The following EEF2 variants were observed in gnomAD, a reference collection of about 807,000 sequenced individuals.
EEF2 encodes the protein elongation factor 2.
A neutral mutation model predicts 85.3 loss-of-function variants in EEF2; 21 were observed. That is an observed-to-expected ratio of 0.25 (90% CI 0.17 to 0.35). The LOEUF (loss-of-function observed/expected upper bound fraction) is 0.35, where lower values mean the gene tolerates loss of function less well. Ranked by LOEUF, EEF2 falls within the 10% of genes least tolerant of loss-of-function variation. The pLI is 1.00. For missense variants in EEF2, 825 were observed against 1,225.3 expected, an observed-to-expected ratio of 0.67 and a Z score of 4.88; for synonymous variants, 723 against 508.8, an observed-to-expected ratio of 1.42 and a Z score of -5.67.
In EEF2 at chr19:3,977,775, G is replaced by A. The variant is rs559168582; in HGVS notation, c.2067+44C>T. The A allele has an allele frequency of 5.9e-6, 9 of 1,526,892 alleles. No homozygotes were observed. The highest frequency in any genetic ancestry group is 4.1e-5 in the African/African-American group (3 of 72,962). The allele number at this position is 1,526,892 out of a possible 1,614,324, so 94.6% of individuals were successfully genotyped here. A position where few individuals can be genotyped will look rare whatever the true frequency, so the allele number is the denominator to read the frequency against. On this transcript the variant is annotated intron_variant, in intron 12 of 14. Transcript: ENST00000309311. This position sits in a 1 kb window ranked among gnomAD's most constrained non-coding sequence, Gnocchi z 5.4. ...GGCAGGACCATGAGGTCCCTCTAGAGCCTGGAAACGGGTGTGGTCTGCACA... is the reference window on the plus strand; with the variant it reads ...GGCAGGACCATGAGGTCCCTCTAGAACCTGGAAACGGGTGTGGTCTGCACA...
In EEF2 at chr19:3,976,727, A is replaced by T; in HGVS notation, c.2404T>A (p.Ser802Thr). The T allele has an allele frequency of 6.3e-7, 1 of 1,594,238 alleles. No individual in the cohort carries two copies. Among genetic ancestry groups the T allele is most frequent in the Non-Finnish European group, 8.5e-7 (1 of 1,173,962 alleles). ...GGGAACGCCTGGCCGCCCGTGTTGG[A>T]CCTCAGGTCAGCGGTGAAGCCTGCA... is the stretch of plus-strand genomic sequence containing the variant. ...ESFGFTADLRSNTGGQAFPQC... is the reference protein window; with the variant it reads ...ESFGFTADLRTNTGGQAFPQC... Residue 802 changes from serine to threonine, a missense_variant, in exon 15 of 15, where the codon TCC becomes ACC. By Grantham distance (58) the Ser-to-Thr change is moderately conservative. Coordinates refer to ENST00000309311, the MANE Select transcript of EEF2 (RefSeq NM_001961.4).
intron 5 of EEF2, 74 bp from the exon 6 acceptor site, chr19:3,982,126 G>A (rs1374659748): frequency 8.1e-6 from 13 of 1,597,028 alleles, no homozygotes; most frequent in South Asian, 2.2e-5. Context: ...TCGCCAAGGG[G>A]ACATGCTTGG....
rs552521919 is a variant in EEF2, at chr19:3,982,192, G to A, written c.791+54C>T. 9.0e-5 allele frequency: 145 copies of A among 1,606,062 alleles called. 1 individual carries two copies. The East Asian group carries it at 3.0e-3, about 33-fold the overall frequency. ...GAATAGCACACCACGCCCCTACGTC[G>A]CTGCCACTACCCCCAGGTGTCAGGA... On this transcript the variant is annotated intron_variant, in intron 5 of 14. Coordinates refer to ENST00000309311, the MANE Select transcript of EEF2 (RefSeq NM_001961.4).
intron 10 of EEF2, 43 bp from the exon 11 acceptor site, chr19:3,979,479 G>T (rs879586310): frequency 2.6e-6 from 4 of 1,542,588 alleles, no homozygotes; most frequent in African/African-American, 2.7e-5. Flanking sequence ...AGGCGGCTCG[G>T]AACAGGCGGG....
At chr19:3,982,162 G>C (rs74465123) in intron 5 of EEF2, 84 bp downstream of exon 5, 1 of 1,597,014 alleles carries the variant, frequency 6.3e-7, no homozygotes, top group Non-Finnish European at 8.6e-7. Flanking sequence ...CTTGAGCCAC[G>C]CTGTGAATAG....
chr19:3,976,489 T>A lies in EEF2; in HGVS notation c.*65A>T. On this transcript the variant is annotated 3_prime_UTR_variant, in exon 15 of 15. Coordinates refer to ENST00000309311, the MANE Select transcript of EEF2 (RefSeq NM_001961.4). ...ACAGTCTCCAGGTGTCGTCTGAGAA[T>A]TCGAGGACGTGGTGCTGTGGGTGCT... The A allele has an allele frequency of 2.0e-6, 3 of 1,535,342 alleles. No individual in the cohort carries two copies. Among genetic ancestry groups the A allele is most frequent in the Non-Finnish European group, 1.8e-6 (2 of 1,138,794 alleles).
intron 1 of EEF2, 185 bp downstream of exon 1, chr19:3,985,193 G>A (rs998973408): frequency 2.7e-5 from 16 of 594,666 alleles, no homozygotes; most frequent in African/African-American, 1.4e-4. Context: ...AACGGAGAAA[G>A]GGCTCGGTGA....
intron 2 of EEF2, 185 bp downstream of exon 2, chr19:3,983,950 AG>A: frequency 1.5e-6 from 1 of 648,710 alleles, no homozygotes; most frequent in Non-Finnish European, 2.6e-6. Flanking sequence ...TCCAGCTCGC[AG>A]TACCCCGAAT....
rs997431543 is a variant in EEF2, at chr19:3,978,036, A to G, written c.1850T>C (p.Ile617Thr). Residue 617 changes from isoleucine (I) to threonine (T), a missense_variant, in exon 12 of 15, where the codon ATC (isoleucine) becomes ACC (threonine). Transcript: ENST00000309311. ...ACGGGCGGACACCTCGCCTTTATCG[A>G]TGTCCTCGGCCAGGCCGTCGGGGAA... ...RPFPDGLAED[I>T]DKGEVSARQE... is the part of the protein sequence containing the mutation. The G allele has an allele frequency of 1.6e-5, 25 of 1,602,332 alleles. No homozygotes were observed. The highest frequency in any genetic ancestry group is 2.1e-5 in the Non-Finnish European group (25 of 1,172,378).
At position 3,984,323 on chromosome 19, in the gene EEF2, C is replaced by T. The variant is rs1275840247; in HGVS notation, c.31G>A (p.Ala11Thr). The change falls in exon 2 of 15, where the codon GCC (alanine) becomes ACC (threonine). Residue 11 changes from alanine to threonine, a missense_variant. Coordinates refer to ENST00000309311, the MANE Select transcript of EEF2 (RefSeq NM_001961.4). Reference protein sequence around the residue: MVNFTVDQIRAIMDKKANIRN... With the variant: MVNFTVDQIRTIMDKKANIRN... ...ATGTTGGCCTTCTTGTCCATGATGG[C>T]GCGGATCTGGTCTACCGTGAAGTTC... 9 of 1,614,044 alleles carry T rather than the reference C, an allele frequency of 5.6e-6. No individual in the cohort carries two copies. The East Asian group carries it at 8.9e-5, about 16-fold the overall frequency.
At chr19:3,978,803 CAAAAAAAAAA>C (rs58074233) in intron 11 of EEF2, among the ~76,000 whole-genome samples, 208 of 36,830 alleles carry the variant, frequency 5.6e-3, no homozygotes, top group African/African-American at 0.013. Flanking sequence ...ACTCTTGTCT[CAAAAAAAAAA>C]AAAAAAAAAA....
chr19:3,977,616 G>T lies in EEF2; in HGVS notation c.2068-6C>A. ...TTCTCCTCACACAGTGCGCCCTGGG[G>T]GAGGGGGAGAGCCACCGTCAAGGGC... is the stretch of plus-strand genomic sequence containing the variant. On this transcript the variant is annotated splice_region_variant and splice_polypyrimidine_tract_variant and intron_variant, in intron 12 of 14. Coordinates refer to ENST00000309311, the MANE Select transcript of EEF2 (RefSeq NM_001961.4). This position sits in a 1 kb window ranked among gnomAD's most constrained non-coding sequence, Gnocchi z 5.4. 2 of 1,507,796 alleles carry T rather than the reference G, an allele frequency of 1.3e-6. No homozygotes were observed. Among genetic ancestry groups the T allele is most frequent in the African/African-American group, 1.4e-5 (1 of 72,548 alleles). The allele number at this position is 1,507,796 out of a possible 1,614,324, so 93.4% of individuals were successfully genotyped here. A position where few individuals can be genotyped will look rare whatever the true frequency, so the allele number is the denominator to read the frequency against.
chr19:3,985,412 G>A lies in EEF2; in HGVS notation c.-32C>T, dbSNP rs2039808161. On this transcript the variant is annotated 5_prime_UTR_variant, in exon 1 of 15. Transcript: ENST00000309311. ...GGATGGCGGTGGATTCTCCCAGGTA[G>A]AACCGAAAGAAGCGAGTCGCGCCGA... The A allele has an allele frequency of 2.7e-6, 4 of 1,488,706 alleles. No individual in the cohort carries two copies. The highest frequency in any genetic ancestry group is 2.7e-5 in the East Asian group (1 of 36,836). 92.2% of individuals were successfully genotyped at this position (1,488,706 alleles called of 1,614,324 possible).
intron 4 of EEF2, 173 bp downstream of exon 4, chr19:3,982,634 C>G: frequency 1.8e-6 from 2 of 1,083,178 alleles, no homozygotes; most frequent in Admixed American, 1.9e-5. Flanking sequence ...TTCCAGCTGC[C>G]CAAAGATCAA....
Position 3,979,839 on chromosome 19 carries a change from T to A in EEF2, c.1574A>T (p.Lys525Met). Residue 525 changes from lysine (K) to methionine (M), a missense_variant, in exon 10 of 15, where the codon AAG (lysine) becomes ATG (methionine). Physicochemically the swap from Lys to Met is moderately conservative, Grantham distance 95 (BLOSUM62 -1). Transcript: ENST00000309311. ...CATGGGGTCGGACTTGGCCAGCCGC[T>A]TCAGCCCCTCCACCAGCTTGGGCAG... ...ADLPKLVEGLKRLAKSDPMVQ... is the reference protein window; with the variant it reads ...ADLPKLVEGLMRLAKSDPMVQ... 6.2e-7 allele frequency: 1 copy of A among 1,613,668 alleles called. No individual in the cohort carries two copies. The highest frequency in any genetic ancestry group is 8.5e-7 in the Non-Finnish European group (1 of 1,179,988).
Position 3,983,239 on chromosome 19 carries a change from G to C in EEF2, c.271C>G (p.Gln91Glu). ...AGGAAGCCGGCACCGTCCTTGCTCTGCTTGATGAAGTTCAAGTCATTCTCC... is the reference window on the plus strand; with the variant it reads ...AGGAAGCCGGCACCGTCCTTGCTCTCCTTGATGAAGTTCAAGTCATTCTCC... ...LSENDLNFIK[Q>E]SKDGAGFLIN... The change falls in exon 3 of 15, where the codon CAG becomes GAG. Residue 91 changes from glutamine (Q) to glutamate (E), a missense_variant. Gln to Glu is a conservative substitution (Grantham distance 29). Transcript: ENST00000309311. 1 of 1,613,934 alleles carries C rather than the reference G, an allele frequency of 6.2e-7. No homozygotes were observed. Among genetic ancestry groups the C allele is most frequent in the Non-Finnish European group, 8.5e-7 (1 of 1,179,968 alleles).
At position 3,977,654 on chromosome 19, in the gene EEF2, G is replaced by C. The variant is rs1045353209; in HGVS notation, c.2068-44C>G. ...CACCGTCAAGGGCCGGACACACCTC[G>C]GCTGCTTGCCCTCCACCTGCCAAGT... is the stretch of plus-strand genomic sequence containing the variant. On this transcript the variant is annotated intron_variant, in intron 12 of 14. Coordinates refer to ENST00000309311, the MANE Select transcript of EEF2 (RefSeq NM_001961.4). The surrounding 1 kb of genome is among the most constrained non-coding windows in gnomAD (Gnocchi z 5.4). 2 of 1,479,300 alleles carry C rather than the reference G, an allele frequency of 1.4e-6. No homozygotes were observed. The highest frequency in any genetic ancestry group is 1.4e-5 in the African/African-American group (1 of 71,478). The allele number at this position is 1,479,300 out of a possible 1,614,324, so 91.6% of individuals were successfully genotyped here.
intron 7 of EEF2, 131 bp downstream of exon 7, chr19:3,981,208 A>C (rs909810133): frequency 4.6e-6 from 5 of 1,077,124 alleles, no homozygotes; most frequent in Non-Finnish European, 5.4e-6. Context: ...CAGCACCCAG[A>C]GTCTAAAGCG....
chr19:3,981,335 G>A lies in EEF2; in HGVS notation c.1011+4C>T, dbSNP rs375407148. The stretch of plus-strand genomic sequence containing the variant: ...CCACCCCGAGGGCTGGGCCCAGGCC[G>A]CACCTTCAGCAGGGGTTTGCCTTCT... On this transcript the variant is annotated splice_donor_region_variant and intron_variant, in intron 7 of 14. Coordinates refer to ENST00000309311, the MANE Select transcript of EEF2 (RefSeq NM_001961.4). The A allele has an allele frequency of 2.5e-5, 41 of 1,613,264 alleles. No homozygotes were observed. Among genetic ancestry groups the A allele is most frequent in the Non-Finnish European group, 2.9e-5 (34 of 1,179,312 alleles).
Sources: allele counts gnomAD v4.1 joint callset (sites outside exome capture counted in the v4.1 genomes callset), GRCh38; gene constraint gnomAD v4.1.1; non-coding constraint Gnocchi (gnomAD v3.1); transcripts MANE v1.5; gene names NCBI Gene and HGNC (gene_info 2026-07-23, HGNC 2026-07-21).